ERBB4: variants seen among roughly 807,000 people sequenced by gnomAD.
ERBB4 encodes the protein erb-b2 receptor tyrosine kinase 4.
A neutral mutation model predicts 158.0 loss-of-function variants in ERBB4; 42 were observed. The ratio of observed to expected loss-of-function variants is 0.27; its 90% confidence interval spans 0.21 to 0.34. The LOEUF (loss-of-function observed/expected upper bound fraction) is 0.34, where lower values mean the gene tolerates loss of function less well. Among genes scored for constraint, ERBB4 ranks in the 10% least tolerant of loss-of-function variants. The probability of loss-of-function intolerance (pLI) is 1.00; values close to 1 mark genes in which losing one functional copy is unlikely to be tolerated. For synonymous variants in ERBB4, 583 were observed against 558.7 expected, an observed-to-expected ratio of 1.04 and a Z score of -0.61; for missense variants, 1,333 against 1,624.1, an observed-to-expected ratio of 0.82 and a Z score of 3.08.
chr2:211,892,821 G>T (rs911615033), intron 3 of ERBB4, among the ~76,000 whole-genome samples: 1 of 143,264 alleles, frequency 7.0e-6, no homozygotes, highest in Non-Finnish European at 1.5e-5. Context: ...TTGCTTCAAA[G>T]AAAATAAAAT....
chr2:211,895,937 C>T lies in ERBB4; in HGVS notation c.421+51493G>A, dbSNP rs1276177894. ...TGTTCAGTCTTCACTGCACTGGCTT[C>T]GTTCCAGTTTCTTGGTCTCCTTGTT... is the stretch of plus-strand genomic sequence containing the variant. On this transcript the variant is annotated intron_variant, in intron 3 of 27. Coordinates refer to ENST00000342788, the MANE Select transcript of ERBB4 (RefSeq NM_005235.3). Among the ~76,000 whole-genome samples, 9 of 152,146 alleles carry T rather than the reference C, an allele frequency of 5.9e-5. No homozygotes were observed. The East Asian group carries it at 1.2e-3, about 20-fold the overall frequency.
chr2:211,412,823 G>C lies in ERBB4; in HGVS notation c.3135+7618C>G, dbSNP rs1050919261. ...ACAAAAATTAGCCGAGTGTGGTGGC[G>C]TGTGCCTGTAATCCCAGCTACTCAG... On this transcript the variant is annotated intron_variant, in intron 25 of 27. Coordinates refer to ENST00000342788, the MANE Select transcript of ERBB4 (RefSeq NM_005235.3). 3.3e-5 allele frequency among the ~76,000 whole-genome samples: 5 copies of C among 151,584 alleles called. No individual in the cohort carries two copies. The East Asian group carries it at 9.7e-4, about 29-fold the overall frequency.
At chr2:212,102,794 C>A (rs2079122043) in intron 2 of ERBB4, among the ~76,000 whole-genome samples, 1 of 152,104 alleles carries the variant, frequency 6.6e-6, no homozygotes, top group Non-Finnish European at 1.5e-5. Flanking sequence ...CTCAATTGAT[C>A]TTCCACCATA....
intron 3 of ERBB4, among the ~76,000 whole-genome samples, chr2:211,788,399 C>G (rs1279217894): frequency 6.6e-6 from 1 of 152,030 alleles, no homozygotes; most frequent in Non-Finnish European, 1.5e-5. Context: ...CTGAGAGTAA[C>G]ACTCCTAACA....
chr2:211,614,055 T>A (rs1339341770), intron 19 of ERBB4, among the ~76,000 whole-genome samples: 1 of 151,982 alleles, frequency 6.6e-6, no homozygotes, highest in Non-Finnish European at 1.5e-5. Flanking sequence ...AAAGAAAACA[T>A]GGTACAAATA....
intron 15 of ERBB4, among the ~76,000 whole-genome samples, chr2:211,661,804 C>T (rs2071429551): frequency 6.6e-6 from 1 of 151,368 alleles, no homozygotes; most frequent in African/African-American, 2.4e-5. Flanking sequence ...CTTTGGGAGG[C>T]CGAGGCGGGC....
chr2:212,020,129 G>A (rs2125325980), intron 2 of ERBB4, among the ~76,000 whole-genome samples: 1 of 152,090 alleles, frequency 6.6e-6, no homozygotes, highest in South Asian at 2.1e-4. Flanking sequence ...TGTCTACAGA[G>A]AATAAGATGC....
chr2:211,739,117 T>C (rs2074705368), intron 5 of ERBB4, among the ~76,000 whole-genome samples: 2 of 152,328 alleles, frequency 1.3e-5, no homozygotes, highest in Non-Finnish European at 2.9e-5. Flanking sequence ...AAATATAGAC[T>C]ATATATAGTC....
chr2:212,038,339 A>G (rs1466449149), intron 2 of ERBB4, among the ~76,000 whole-genome samples: 4 of 152,000 alleles, frequency 2.6e-5, no homozygotes, highest in Admixed American at 2.6e-4. Flanking sequence ...CAGTAAGCAA[A>G]ATCTAACAAC....
At chr2:211,488,460 GA>G (rs1241381294) in intron 20 of ERBB4, among the ~76,000 whole-genome samples, 1 of 151,986 alleles carries the variant, frequency 6.6e-6, no homozygotes, top group Admixed American at 6.6e-5. Context: ...TCTGGCAGTG[GA>G]AAATGCTGAA....
At chr2:211,577,270 T>C (rs2067918685) in intron 19 of ERBB4, among the ~76,000 whole-genome samples, 1 of 152,080 alleles carries the variant, frequency 6.6e-6, no homozygotes, top group African/African-American at 2.4e-5. Context: ...AGAAACAAGA[T>C]GGAAAAGGCA....
intron 12 of ERBB4, among the ~76,000 whole-genome samples, chr2:211,698,543 A>C (rs996087462): frequency 6.6e-6 from 1 of 151,768 alleles, no homozygotes; most frequent in Non-Finnish European, 1.5e-5. Flanking sequence ...AAATATTTTT[A>C]TATATTTTTG....
intron 3 of ERBB4, among the ~76,000 whole-genome samples, chr2:211,936,024 G>A (rs7608264): frequency 6.6e-6 from 1 of 152,008 alleles, no homozygotes; most frequent in Non-Finnish European, 1.5e-5. Flanking sequence ...AAGCCTAAAT[G>A]AATTCTAGTT....
At chr2:211,872,652 C>T (rs1001159757) in intron 3 of ERBB4, among the ~76,000 whole-genome samples, 1 of 151,766 alleles carries the variant, frequency 6.6e-6, no homozygotes, top group Admixed American at 6.6e-5. Context: ...GATAATTGCC[C>T]CTTCAAAAAA....
At chr2:212,382,701 T>A (rs2090548354) in intron 1 of ERBB4, among the ~76,000 whole-genome samples, 1 of 151,298 alleles carries the variant, frequency 6.6e-6, no homozygotes, top group South Asian at 2.1e-4. Context: ...ACAGCGGTAT[T>A]TTTTCTGCAC....
At chr2:212,132,477 G>A (rs2080135467) in intron 1 of ERBB4, among the ~76,000 whole-genome samples, 1 of 152,136 alleles carries the variant, frequency 6.6e-6, no homozygotes. Context: ...GTGTGGGTGA[G>A]TATTATCCAA....
At chr2:212,249,871 CTT>C (rs564512657) in intron 1 of ERBB4, among the ~76,000 whole-genome samples, 17 of 151,866 alleles carry the variant, frequency 1.1e-4, no homozygotes, top group Middle Eastern at 3.2e-3. Flanking sequence ...CAAATACTGA[CTT>C]ATGTATATGA....
intron 3 of ERBB4, among the ~76,000 whole-genome samples, chr2:211,888,633 G>A (rs1343464004): frequency 6.6e-6 from 1 of 152,192 alleles, no homozygotes; most frequent in African/African-American, 2.4e-5. Flanking sequence ...TTCCATCTGA[G>A]GTACCGGGTT....
intron 1 of ERBB4, among the ~76,000 whole-genome samples, chr2:212,451,147 T>C (rs764686841): frequency 6.6e-6 from 1 of 152,096 alleles, no homozygotes; most frequent in Admixed American, 6.6e-5. Flanking sequence ...CTCAGTCCAG[T>C]TGGGGAGAAG....
Sources: gnomAD v4.1 joint callset for allele counts (sites outside exome capture counted in the v4.1 genomes callset) on GRCh38, gnomAD v4.1.1 for gene constraint, MANE v1.5 for transcripts, NCBI Gene and HGNC (gene_info 2026-07-23, HGNC 2026-07-21) for gene names.